SPOCK1: variants seen among roughly 807,000 people sequenced by gnomAD.
SPOCK1 encodes the protein SPARC (osteonectin), cwcv and kazal like domains proteoglycan 1.
SPOCK1 carries 23 observed loss-of-function variants against 55.3 expected under a neutral mutation model. That is an observed-to-expected ratio of 0.42 (90% confidence interval 0.30 to 0.59). The LOEUF (loss-of-function observed/expected upper bound fraction) is 0.59, where lower values mean the gene tolerates loss of function less well. Among genes scored for constraint, SPOCK1 ranks in the 20% least tolerant of loss-of-function variants. The pLI is 0.22. For missense variants in SPOCK1, 499 were observed against 552.5 expected (o/e 0.90, Z 0.97); for synonymous variants, 226 against 221.0 (o/e 1.02, Z -0.20).
In SPOCK1 at chr5:137,186,699, C is replaced by T. The variant is rs995180956; in HGVS notation, c.233-46005G>A. ...CTGTGAGCCAGGTGTTCTCTGCACT[C>T]CTTTCAATTATCTCAGGATTCCCAA... On this transcript the variant is annotated intron_variant, in intron 3 of 10. Coordinates refer to ENST00000394945, the MANE Select transcript of SPOCK1 (RefSeq NM_004598.4). 3.3e-5 allele frequency among the ~76,000 whole-genome samples: 5 copies of T among 152,320 alleles called. 1 individual carries two copies. The South Asian group carries it at 1.0e-3, about 32-fold the overall frequency.
rs148100856 is a variant in SPOCK1, at chr5:137,364,870, CTAA to C, written c.187-97818_187-97816del. 3.0e-3 allele frequency: 455 copies of C among 152,356 alleles called. 2 individuals carry two copies. Among genetic ancestry groups the C allele is most frequent in the African/African-American group, 0.011 (439 of 41,582 alleles). 9.4% of individuals were successfully genotyped at this position (152,356 alleles called of 1,614,324 possible). The stretch of plus-strand genomic sequence containing the variant: ...AAGGTTCCTCATTTGTAAAATGGGG[CTAA>C]TAATAGTGCCTCCCTCAAAGAGGTG... On this transcript the variant is annotated intron_variant, in intron 2 of 10. Transcript: ENST00000394945.
intron 6 of SPOCK1, among the ~76,000 whole-genome samples, chr5:137,031,632 AT>A (rs1432258976): frequency 6.6e-6 from 1 of 152,240 alleles, no homozygotes; most frequent in African/African-American, 2.4e-5. Flanking sequence ...TTTCAAAGAT[AT>A]TCCATTTTAA....
chr5:137,176,502 A>ATGTGTGTGTGTGTGTGTGTGTG (rs10527760), intron 3 of SPOCK1, among the ~76,000 whole-genome samples: 30 of 150,412 alleles, frequency 2.0e-4, no homozygotes, highest in African/African-American at 6.4e-4. Flanking sequence ...CCCCACCACA[A>ATGTGTGTGTGTGTGTGTGTGTG]TGTGTGTGTG....
intron 2 of SPOCK1, among the ~76,000 whole-genome samples, chr5:137,354,988 C>T (rs1197508129): frequency 1.3e-5 from 2 of 151,054 alleles, no homozygotes; most frequent in Non-Finnish European, 3.0e-5. Flanking sequence ...CTGCAACCTC[C>T]GCCTCCTGGG....
intron 2 of SPOCK1, among the ~76,000 whole-genome samples, chr5:137,290,393 C>A (rs1356729039): frequency 2.6e-5 from 4 of 152,028 alleles, no homozygotes; most frequent in Admixed American, 6.6e-5. Flanking sequence ...CAAAAAAGGG[C>A]AAAACTAACA....
At chr5:137,088,082 G>A (rs780005073) in intron 5 of SPOCK1, among the ~76,000 whole-genome samples, 3 of 152,092 alleles carry the variant, frequency 2.0e-5, no homozygotes, top group Non-Finnish European at 4.4e-5. Context: ...TGTGAAGATT[G>A]CTGGGGGTCA....
chr5:136,992,781 G>C (rs1427673973), intron 6 of SPOCK1, 181 bp from the exon 7 acceptor site: 1 of 506,968 alleles, frequency 2.0e-6, no homozygotes, highest in Non-Finnish European at 3.5e-6. Flanking sequence ...GACAAAAAGA[G>C]AGCCTAGACC....
intron 6 of SPOCK1, among the ~76,000 whole-genome samples, chr5:137,010,287 C>T (rs1417265269): frequency 1.3e-5 from 2 of 152,036 alleles, no homozygotes; most frequent in African/African-American, 2.4e-5. Flanking sequence ...GAAAACGCTG[C>T]TCCAATTACC....
rs1358078296 is a variant in SPOCK1, at chr5:137,498,435, C to T, written c.124G>A (p.Asp42Asn). The T allele has an allele frequency of 4.3e-6, 7 of 1,610,956 alleles. No homozygotes were observed. Among genetic ancestry groups the T allele is most frequent in the Non-Finnish European group, 5.1e-6 (6 of 1,178,814 alleles). ...TGGGAGACGGTGCTCAGCCACTGGT[C>T]ATTGTCTAGGAAATTGCCGTGGTTG... is the stretch of plus-strand genomic sequence containing the variant. ...GPNHGNFLDN[D>N]QWLSTVSQYD... The change falls in exon 2 of 11, where the codon GAC (aspartate) becomes AAC (asparagine). Residue 42 changes from aspartate (D) to asparagine (N), a missense_variant. Coordinates refer to ENST00000394945, the MANE Select transcript of SPOCK1 (RefSeq NM_004598.4).
intron 2 of SPOCK1, among the ~76,000 whole-genome samples, chr5:137,352,208 C>T (rs115468172): frequency 1.7e-3 from 260 of 152,328 alleles, no homozygotes; most frequent in African/African-American, 5.9e-3. Context: ...GGCCGCCAAC[C>T]AGCTGCAGTT....
At chr5:137,451,985 A>G (rs13160191) in intron 2 of SPOCK1, among the ~76,000 whole-genome samples, 2,373 of 152,332 alleles carry the variant, frequency 0.016, 28 homozygotes, top group Middle Eastern at 0.034. Context: ...CAATACATGC[A>G]TTATATACTG....
At chr5:137,129,078 A>T (rs548725060) in intron 4 of SPOCK1, among the ~76,000 whole-genome samples, 21 of 152,190 alleles carry the variant, frequency 1.4e-4, no homozygotes, top group Non-Finnish European at 1.6e-4. Context: ...CACACAAAAC[A>T]TCCCATCATA....
At chr5:137,095,429 T>C (rs926413932) in intron 5 of SPOCK1, among the ~76,000 whole-genome samples, 3 of 152,220 alleles carry the variant, frequency 2.0e-5, no homozygotes, top group Non-Finnish European at 4.4e-5. Context: ...CCAAAACTGT[T>C]TGGGCTCAGC....
chr5:137,189,678 G>A (rs562667337), intron 3 of SPOCK1, among the ~76,000 whole-genome samples: 19 of 152,172 alleles, frequency 1.2e-4, no homozygotes, highest in Admixed American at 2.6e-4. Flanking sequence ...TGTAGGCCAC[G>A]GATCAAGAGG....
intron 6 of SPOCK1, among the ~76,000 whole-genome samples, chr5:136,997,260 T>G (rs1359959952): frequency 6.6e-6 from 1 of 152,170 alleles, no homozygotes; most frequent in Non-Finnish European, 1.5e-5. Context: ...GGGCAAACAC[T>G]TGGGAATTGT....
At chr5:137,134,261 G>T (rs529548514) in intron 4 of SPOCK1, among the ~76,000 whole-genome samples, 19 of 152,220 alleles carry the variant, frequency 1.2e-4, no homozygotes, top group Non-Finnish European at 2.6e-4. Flanking sequence ...ACACAAGATA[G>T]GTGGTCAGTA....
chr5:137,151,516 G>T (rs536436021), intron 3 of SPOCK1, among the ~76,000 whole-genome samples: 26 of 152,318 alleles, frequency 1.7e-4, no homozygotes, highest in African/African-American at 6.3e-4. Flanking sequence ...CTAGAATGAA[G>T]TGGTAAGCTC....
At chr5:137,373,844 G>A (rs976390353) in intron 2 of SPOCK1, among the ~76,000 whole-genome samples, 1 of 152,202 alleles carries the variant, frequency 6.6e-6, no homozygotes, top group African/African-American at 2.4e-5. Flanking sequence ...GATGTTGGGT[G>A]GGTCATTTAA....
chr5:137,076,606 G>C lies in SPOCK1; in HGVS notation c.475-8777C>G, dbSNP rs1476645927. Among the ~76,000 whole-genome samples, 6 of 53,864 alleles carry C rather than the reference G, an allele frequency of 1.1e-4. No individual in the cohort carries two copies. In the South Asian group the frequency reaches 3.1e-3, roughly 28 times the overall value. 35.3% of individuals were successfully genotyped at this position (53,864 alleles called of 152,430 possible). On this transcript the variant is annotated intron_variant, in intron 5 of 10. Transcript: ENST00000394945. Reference sequence around the variant, plus strand: ...TAATTTATTGAATACTGGACTGAAAGTAAAAAAAAAAAAAAAAAAAAAGAA... The same window carrying C: ...TAATTTATTGAATACTGGACTGAAACTAAAAAAAAAAAAAAAAAAAAAGAA...
Sources: allele counts gnomAD v4.1 joint callset (sites outside exome capture counted in the v4.1 genomes callset), GRCh38; gene constraint gnomAD v4.1.1; transcripts MANE v1.5; gene names NCBI Gene and HGNC (gene_info 2026-07-23, HGNC 2026-07-21).